COL8A1: variants seen among roughly 807,000 people sequenced by gnomAD.
COL8A1 encodes the protein collagen type VIII alpha 1 chain.
In COL8A1, 21 loss-of-function variants were observed where a neutral mutation model predicts 42.7. The observed-to-expected ratio is 0.49, with a 90% CI of 0.35 to 0.71. The LOEUF is 0.71. COL8A1 is among the 30% of genes least tolerant of loss of function. The probability of loss-of-function intolerance (pLI) is 0.01; values close to 1 mark genes in which losing one functional copy is unlikely to be tolerated. For synonymous variants in COL8A1, 367 were observed against 369.1 expected (o/e 0.99, Z 0.06); for missense variants, 788 against 962.4 (o/e 0.82, Z 2.40).
At position 99,797,733 on chromosome 3, in the gene COL8A1, C is replaced by T. The variant is rs1032534864; in HGVS notation, c.*1597C>T. On this transcript the variant is annotated 3_prime_UTR_variant, in exon 4 of 4. Transcript: ENST00000652472. ...AAAAGTATAGGAAAAGAACTGTTTC[C>T]TTAGAAGCGGACTGTGGAAGGGCTA... is the stretch of plus-strand genomic sequence containing the variant. 6.6e-6 allele frequency: 1 copy of T among 152,130 alleles called. No individual in the cohort carries two copies. The highest frequency in any genetic ancestry group is 1.5e-5 in the Non-Finnish European group (1 of 68,024). 9.4% of individuals were successfully genotyped at this position (152,130 alleles called of 1,614,324 possible).
chr3:99,732,040 C>G (rs550550703), intron 1 of COL8A1, among the ~76,000 whole-genome samples: 25 of 152,112 alleles, frequency 1.6e-4, no homozygotes, highest in Non-Finnish European at 3.2e-4. Flanking sequence ...TTCTAGAACC[C>G]TCAGAGGGGG....
At position 99,698,327 on chromosome 3, in the gene COL8A1, T is replaced by C. The variant is rs140770875; in HGVS notation, c.-128-46570T>C. 4.3e-3 allele frequency among the ~76,000 whole-genome samples: 648 copies of C among 152,344 alleles called. 5 individuals are homozygous for C. The highest frequency in any genetic ancestry group is 0.015 in the African/African-American group (618 of 41,584). ...CATGATTTATAATCCTTTGGGTATA[T>C]ACCCAGTAATGGGATGGCTGGATCA... On this transcript the variant is annotated intron_variant, in intron 1 of 3. Coordinates refer to ENST00000652472, the MANE Select transcript of COL8A1 (RefSeq NM_020351.4).
At chr3:99,710,836 C>T (rs997163164) in intron 1 of COL8A1, among the ~76,000 whole-genome samples, 2 of 152,156 alleles carry the variant, frequency 1.3e-5, no homozygotes, top group South Asian at 2.1e-4. Flanking sequence ...CAGGTCAATG[C>T]TCCCTGCACT....
At chr3:99,664,442 C>T (rs575907945) in intron 1 of COL8A1, among the ~76,000 whole-genome samples, 11 of 151,976 alleles carry the variant, frequency 7.2e-5, no homozygotes, top group African/African-American at 2.4e-4. Flanking sequence ...GGCTCAATCC[C>T]GTTTAAAACT....
chr3:99,769,268 T>A lies in COL8A1; in HGVS notation c.-3-21412T>A, dbSNP rs142133425. 2.6e-5 allele frequency among the ~76,000 whole-genome samples: 4 copies of A among 152,352 alleles called. No homozygotes were observed. The East Asian group carries it at 7.7e-4, about 29-fold the overall frequency. ...ATGAAGGGCATCTAATAAATGTCAG[T>A]CCTTATCCTATCCTCCAACCATTTC... On this transcript the variant is annotated intron_variant, in intron 2 of 3. Coordinates refer to ENST00000652472, the MANE Select transcript of COL8A1 (RefSeq NM_020351.4).
intron 2 of COL8A1, among the ~76,000 whole-genome samples, chr3:99,771,000 G>C (rs1430908151): frequency 6.6e-6 from 1 of 152,202 alleles, no homozygotes; most frequent in African/African-American, 2.4e-5. Context: ...GACATGAAAA[G>C]GGGCCATTCA....
At chr3:99,659,430 T>C (rs2107299285) in intron 1 of COL8A1, among the ~76,000 whole-genome samples, 1 of 152,328 alleles carries the variant, frequency 6.6e-6, no homozygotes, top group East Asian at 1.9e-4. Flanking sequence ...TAAAACAATA[T>C]TCCCTTGTCC....
chr3:99,641,710 A>C (rs992401186), intron 1 of COL8A1, among the ~76,000 whole-genome samples: 4 of 152,148 alleles, frequency 2.6e-5, no homozygotes, highest in Non-Finnish European at 5.9e-5. Flanking sequence ...CGTATTTCCT[A>C]AAACCTCTGG....
intron 2 of COL8A1, among the ~76,000 whole-genome samples, chr3:99,748,095 A>G (rs1412779862): frequency 6.6e-6 from 1 of 152,216 alleles, no homozygotes; most frequent in Non-Finnish European, 1.5e-5. Flanking sequence ...TATGGCAGTT[A>G]TTAACGATCC....
intron 1 of COL8A1, among the ~76,000 whole-genome samples, chr3:99,669,779 A>C: frequency 6.6e-6 from 1 of 152,080 alleles, no homozygotes. Context: ...TGTCACAACC[A>C]GAACCTGACG....
At chr3:99,739,274 A>G (rs1284306996) in intron 1 of COL8A1, among the ~76,000 whole-genome samples, 2 of 152,062 alleles carry the variant, frequency 1.3e-5, no homozygotes, top group East Asian at 1.9e-4. Flanking sequence ...CATGACTGGC[A>G]TTGAGTATCT....
At chr3:99,777,989 C>T (rs1373378875) in intron 2 of COL8A1, among the ~76,000 whole-genome samples, 1 of 152,130 alleles carries the variant, frequency 6.6e-6, no homozygotes, top group Admixed American at 6.6e-5. Context: ...GTATCCTTGG[C>T]TGGTTTCCAC....
chr3:99,664,498 T>C (rs534112849), intron 1 of COL8A1, among the ~76,000 whole-genome samples: 18 of 149,800 alleles, frequency 1.2e-4, no homozygotes, highest in South Asian at 4.3e-4. Context: ...AAAAATAAAA[T>C]AAAAAAAAAA....
rs370638012 is a variant in COL8A1, at chr3:99,794,645, A to C, written c.744A>C (p.Pro248=). 92 of 1,613,614 alleles carry C rather than the reference A, an allele frequency of 5.7e-5. No individual in the cohort carries two copies. The highest frequency in any genetic ancestry group is 7.0e-5 in the Non-Finnish European group (83 of 1,179,858). Residue 248 remains proline, a synonymous_variant, in exon 4 of 4, where the codon CCA becomes CCC. Transcript: ENST00000652472. The surrounding 1 kb of genome is among the most constrained non-coding windows in gnomAD (Gnocchi z 4.3). ...GPKGDKGFGM[P]GAPGVKGPPG... is the part of the protein sequence containing the mutation. ...AAGGAGACAAGGGCTTCGGGATGCC[A>C]GGTGCGCCAGGTGTAAAGGGGCCTC... is the stretch of plus-strand genomic sequence containing the variant.
At chr3:99,760,252 T>C (rs1941341793) in intron 2 of COL8A1, among the ~76,000 whole-genome samples, 1 of 152,182 alleles carries the variant, frequency 6.6e-6, no homozygotes, top group Admixed American at 6.6e-5. Context: ...GAATACATCA[T>C]AGAAAAATCT....
intron 1 of COL8A1, among the ~76,000 whole-genome samples, chr3:99,654,740 A>C (rs1346679844): frequency 6.6e-6 from 1 of 151,976 alleles, no homozygotes; most frequent in East Asian, 1.9e-4. Flanking sequence ...GTGAGCTGTA[A>C]TTGTGCCACT....
At chr3:99,712,448 A>C (rs973623347) in intron 1 of COL8A1, among the ~76,000 whole-genome samples, 2 of 152,148 alleles carry the variant, frequency 1.3e-5, no homozygotes, top group African/African-American at 2.4e-5. Context: ...ATTCTTTTCC[A>C]TAGTCCACCT....
chr3:99,738,933 G>GT (rs1236890936), intron 1 of COL8A1, among the ~76,000 whole-genome samples: 1 of 152,200 alleles, frequency 6.6e-6, no homozygotes, highest in Admixed American at 6.5e-5. Flanking sequence ...TTGGTGCGCC[G>GT]TTTTTTAAGC....
chr3:99,711,066 A>T (rs1327729554), intron 1 of COL8A1, among the ~76,000 whole-genome samples: 1 of 152,186 alleles, frequency 6.6e-6, no homozygotes, highest in African/African-American at 2.4e-5. Flanking sequence ...GGGTCTTGAA[A>T]AAACTATCAC....
Sources: gnomAD v4.1 joint callset for allele counts (sites outside exome capture counted in the v4.1 genomes callset) on GRCh38, gnomAD v4.1.1 for gene constraint, Gnocchi (gnomAD v3.1) non-coding constraint, MANE v1.5 for transcripts, NCBI Gene and HGNC (gene_info 2026-07-23, HGNC 2026-07-21) for gene names.